The following RNF130 variants were observed in gnomAD, a reference collection of about 807,000 sequenced individuals.
The protein encoded by RNF130 is E3 ubiquitin-protein ligase RNF130.
In RNF130, 21 loss-of-function variants were observed where a neutral mutation model predicts 44.6. The ratio of observed to expected loss-of-function variants is 0.47; its 90% CI spans 0.33 to 0.68. The LOEUF is 0.68. Among genes scored for constraint, RNF130 ranks in the 30% least tolerant of loss-of-function variants. The pLI, the probability that RNF130 is intolerant of heterozygous loss-of-function variation, is 0.02. For synonymous variants in RNF130, 214 were observed against 210.4 expected, an observed-to-expected ratio of 1.02 and a Z score of -0.15; for missense variants, 479 against 560.6, an observed-to-expected ratio of 0.85 and a Z score of 1.47.
intron 2 of RNF130, among the ~76,000 whole-genome samples, chr5:180,018,756 AAC>A (rs1260997491): frequency 1.1e-4 from 16 of 152,196 alleles, no homozygotes; most frequent in Admixed American, 1.0e-3. Flanking sequence ...TCTGCTGACC[AAC>A]ACAGTCCTGC....
At chr5:179,930,201 GCA>G (rs1761787052) in intron 7 of RNF130, among the ~76,000 whole-genome samples, 15 of 152,196 alleles carry the variant, frequency 9.9e-5, no homozygotes, top group Admixed American at 7.2e-4. Flanking sequence ...GGGATTACAG[GCA>G]TCTGCCACCA....
intron 8 of RNF130, among the ~76,000 whole-genome samples, chr5:179,958,568 C>T (rs1257005172): frequency 1.3e-5 from 2 of 152,206 alleles, no homozygotes; most frequent in South Asian, 2.1e-4. Flanking sequence ...GATCTGAGGT[C>T]GGCCTGTGAA....
Position 180,013,838 on chromosome 5 carries a change from C to A in RNF130, c.443-527G>T, listed in dbSNP as rs575821849. On this transcript the variant is annotated intron_variant, in intron 2 of 8. Coordinates refer to ENST00000521389, the MANE Select transcript of RNF130 (RefSeq NM_018434.6). ...CTGTCTGTAGAACTAGTGCCAGGAA[C>A]AAAAACAAGTACAGGATACCAAGCT... 1.4e-3 allele frequency among the ~76,000 whole-genome samples: 220 copies of A among 152,290 alleles called. 2 individuals carry two copies. The highest frequency in any genetic ancestry group is 5.1e-3 in the African/African-American group (212 of 41,544).
At chr5:179,933,398 T>TTGTGTGTGTGTGTGTGTGTGTGTGTG (rs71001060) in intron 7 of RNF130, among the ~76,000 whole-genome samples, 2,361 of 143,392 alleles carry the variant, frequency 0.016, 39 homozygotes, top group Middle Eastern at 0.028. Flanking sequence ...ATAACCCTAT[T>TTGTGTGTGTGTGTGTGTGTGTGTGTG]TGTGTGTGTG....
At chr5:180,021,089 C>T (rs1763861722) in intron 2 of RNF130, among the ~76,000 whole-genome samples, 1 of 152,144 alleles carries the variant, frequency 6.6e-6, no homozygotes, top group African/African-American at 2.4e-5. Context: ...CCTCAGCCTT[C>T]CAAGTAGCTG....
intron 7 of RNF130, among the ~76,000 whole-genome samples, chr5:179,948,680 AAG>A (rs761069535): frequency 1.3e-5 from 2 of 152,206 alleles, no homozygotes; most frequent in East Asian, 1.9e-4. Flanking sequence ...GTCTCAAAAA[AAG>A]AGAGAGAGAG....
At chr5:180,058,614 A>G (rs1026296569) in intron 1 of RNF130, among the ~76,000 whole-genome samples, 7 of 152,066 alleles carry the variant, frequency 4.6e-5, no homozygotes, top group African/African-American at 1.2e-4. Context: ...GGAGTGTAGT[A>G]GTGTGATCTC....
At chr5:180,068,928 TCTC>T (rs1184465467) in intron 1 of RNF130, among the ~76,000 whole-genome samples, 4 of 152,132 alleles carry the variant, frequency 2.6e-5, no homozygotes, top group Non-Finnish European at 4.4e-5. Context: ...TGTCAAGAAT[TCTC>T]CTCAATTCAA....
downstream of RNF130, among the ~76,000 whole-genome samples, chr5:179,952,967 A>G (rs1188248100): frequency 6.6e-6 from 1 of 152,198 alleles, no homozygotes; most frequent in Non-Finnish European, 1.5e-5. Context: ...TTTCTATTCA[A>G]CAATCTACTA....
At chr5:179,971,881 C>A (rs1214163375) in intron 5 of RNF130, among the ~76,000 whole-genome samples, 1 of 152,192 alleles carries the variant, frequency 6.6e-6, no homozygotes, top group Admixed American at 6.5e-5. Context: ...ACACACACGT[C>A]TGCCTATCAC....
At chr5:180,020,011 A>G (rs1409081758) in intron 2 of RNF130, among the ~76,000 whole-genome samples, 1 of 152,222 alleles carries the variant, frequency 6.6e-6, no homozygotes, top group Non-Finnish European at 1.5e-5. Context: ...GGAGAAAACT[A>G]AGAAAGGGTC....
intron 3 of RNF130, among the ~76,000 whole-genome samples, chr5:179,992,775 G>A (rs1763115545): frequency 6.6e-6 from 1 of 152,116 alleles, no homozygotes; most frequent in African/African-American, 2.4e-5. Context: ...TGCACAACGT[G>A]CAGGTTTGTT....
rs1443474730 is a variant in RNF130, at chr5:179,916,971, C to T, written c.*3346G>A. The T allele has an allele frequency of 1.3e-5, 2 of 152,418 alleles. 1 individual carries two copies. The highest frequency in any genetic ancestry group is 2.9e-5 in the Non-Finnish European group (2 of 68,244). 9.4% of individuals were successfully genotyped at this position (152,418 alleles called of 1,614,324 possible). A position where few individuals can be genotyped will look rare whatever the true frequency, so the allele number is the denominator to read the frequency against. On this transcript the variant is annotated 3_prime_UTR_variant, in exon 8 of 8. Transcript: ENST00000522208. ...CTTTGGGAGGCCAAGGCAGGCGGAT[C>T]ACGAGGTCAGGAGATCGAGACCAGC...
At position 180,071,732 on chromosome 5, in the gene RNF130, GA is replaced by G. The variant is rs1328086988; in HGVS notation, c.-31del. 2.5e-6 allele frequency: 3 copies of G among 1,210,104 alleles called. No homozygotes were observed. 75.0% of individuals were successfully genotyped at this position (1,210,104 alleles called of 1,614,324 possible). A position where few individuals can be genotyped will look rare whatever the true frequency, so the allele number is the denominator to read the frequency against. On this transcript the variant is annotated 5_prime_UTR_variant, in exon 1 of 9. Transcript: ENST00000521389. Reference sequence around the variant, plus strand: ...CCTCCGGCAGCCGCCGCTGCTCGCGGACCGGGCTCCGGGGCCGGCGCCTAGA... The same window carrying G: ...CCTCCGGCAGCCGCCGCTGCTCGCGGCCGGGCTCCGGGGCCGGCGCCTAGA...
At chr5:179,959,420 G>A (rs1280691844) in intron 8 of RNF130, among the ~76,000 whole-genome samples, 1 of 152,098 alleles carries the variant, frequency 6.6e-6, no homozygotes, top group Non-Finnish European at 1.5e-5. Context: ...AAGGTCAGGA[G>A]TTCAAGACCA....
At chr5:180,070,403 G>A (rs1003133086) in intron 1 of RNF130, among the ~76,000 whole-genome samples, 2 of 152,190 alleles carry the variant, frequency 1.3e-5, no homozygotes, top group African/African-American at 2.4e-5. Flanking sequence ...TCCCCAGCCA[G>A]ACTGTCTCAA....
chr5:180,053,586 G>A (rs1364408591), intron 1 of RNF130, among the ~76,000 whole-genome samples: 1 of 152,066 alleles, frequency 6.6e-6, no homozygotes, highest in African/African-American at 2.4e-5. Flanking sequence ...AGTAATGATA[G>A]GAACAAGCAA....
At chr5:180,000,274 T>G (rs544620354) in intron 3 of RNF130, among the ~76,000 whole-genome samples, 12 of 152,354 alleles carry the variant, frequency 7.9e-5, no homozygotes, top group Non-Finnish European at 1.5e-4. Context: ...AAATCTGTTT[T>G]TAGTCTAATA....
chr5:179,997,311 TTTTA>T (rs1157064193), intron 3 of RNF130, among the ~76,000 whole-genome samples: 7 of 151,544 alleles, frequency 4.6e-5, no homozygotes, highest in East Asian at 3.9e-4. Context: ...CTGGCTTATG[TTTTA>T]TTTATTTATT....
Sources: allele counts gnomAD v4.1 joint callset (sites outside exome capture counted in the v4.1 genomes callset), GRCh38; gene constraint gnomAD v4.1.1; transcripts MANE v1.5; gene names NCBI Gene and HGNC (gene_info 2026-07-23, HGNC 2026-07-21).